CDK14: variants seen among roughly 807,000 people sequenced by gnomAD.
CDK14 encodes the protein cyclin-dependent kinase 14.
Under a neutral mutation model 60.7 loss-of-function variants are expected in CDK14, and 34 were observed. The ratio of observed to expected loss-of-function variants is 0.56; its 90% CI spans 0.43 to 0.75. The LOEUF (loss-of-function observed/expected upper bound fraction) is 0.75, where lower values mean the gene tolerates loss of function less well. Among genes scored for constraint, CDK14 ranks in the 30% least tolerant of loss-of-function variants. CDK14 has a pLI of 0.00. For missense variants in CDK14, 482 were observed against 564.1 expected (o/e 0.85, Z 1.47); for synonymous variants, 197 against 203.7 (o/e 0.97, Z 0.28).
At chr7:91,198,571 C>T (rs1176002629) in intron 14 of CDK14, among the ~76,000 whole-genome samples, 1 of 152,184 alleles carries the variant, frequency 6.6e-6, no homozygotes, top group Non-Finnish European at 1.5e-5. Flanking sequence ...CTCATGGCTG[C>T]TGTTACTTGG....
intron 10 of CDK14, among the ~76,000 whole-genome samples, chr7:90,985,566 A>G (rs1795349852): frequency 6.6e-6 from 1 of 152,226 alleles, no homozygotes; most frequent in South Asian, 2.1e-4. Flanking sequence ...AGTAAGCGCA[A>G]CGTTTAAATA....
At chr7:90,668,304 T>C (rs562991630) in intron 2 of CDK14, among the ~76,000 whole-genome samples, 29 of 152,364 alleles carry the variant, frequency 1.9e-4, no homozygotes, top group South Asian at 6.2e-4. Context: ...ATTAGCTATT[T>C]GCATATCTTC....
chr7:90,816,087 A>T (rs1789343417), intron 5 of CDK14, among the ~76,000 whole-genome samples: 2 of 152,190 alleles, frequency 1.3e-5, no homozygotes. Flanking sequence ...AATTTTTTTA[A>T]AAAAAGGGCC....
intron 2 of CDK14, among the ~76,000 whole-genome samples, chr7:90,694,992 G>A (rs899974103): frequency 4.6e-5 from 7 of 152,180 alleles, no homozygotes; most frequent in African/African-American, 1.4e-4. Flanking sequence ...ATAATCTTAT[G>A]TGATCAGAAT....
At chr7:90,655,533 CTTAAGTA>C (rs945013556) in intron 2 of CDK14, among the ~76,000 whole-genome samples, 2 of 152,154 alleles carry the variant, frequency 1.3e-5, no homozygotes, top group African/African-American at 4.8e-5. Context: ...TAATCACATA[CTTAAGTA>C]TGATCTGAGA....
At chr7:91,105,675 C>T (rs1799271354) in intron 12 of CDK14, among the ~76,000 whole-genome samples, 1 of 152,056 alleles carries the variant, frequency 6.6e-6, no homozygotes, top group Non-Finnish European at 1.5e-5. Context: ...AATTATAAAG[C>T]ATATGAGGAA....
intron 12 of CDK14, among the ~76,000 whole-genome samples, chr7:91,096,678 T>C (rs1435767090): frequency 1.3e-5 from 2 of 152,244 alleles, no homozygotes; most frequent in Non-Finnish European, 2.9e-5. Flanking sequence ...TCTTGTTTTC[T>C]CCTCTTTTAA....
rs1015177926 is a variant in CDK14 at position 91,209,715 on chromosome 7, T to C, written c.*2579T>C. 2 of 152,626 alleles carry C rather than the reference T, an allele frequency of 1.3e-5. No homozygotes were observed. Among genetic ancestry groups the C allele is most frequent in the African/African-American group, 4.8e-5 (2 of 41,454 alleles). The allele number at this position is 152,626 out of a possible 1,614,324, so 9.5% of individuals were successfully genotyped here. ...TTCTGAAAGGAGATTTGACACTTAA[T>C]TCCCATTTTCTTAAAATAACAGTTT... On this transcript the variant is annotated 3_prime_UTR_variant, in exon 15 of 15. Transcript: ENST00000380050.
intron 2 of CDK14, among the ~76,000 whole-genome samples, chr7:90,676,589 G>C (rs893478411): frequency 4.0e-5 from 6 of 150,904 alleles, no homozygotes; most frequent in South Asian, 4.2e-4. Flanking sequence ...CTGGAGTGCA[G>C]TGGCGTGATC....
At chr7:90,945,654 G>T (rs779142457) in intron 8 of CDK14, among the ~76,000 whole-genome samples, 3 of 152,152 alleles carry the variant, frequency 2.0e-5, no homozygotes, top group Non-Finnish European at 2.9e-5. Flanking sequence ...TCAGTTTGCT[G>T]CCCATTGGCC....
intron 3 of CDK14, among the ~76,000 whole-genome samples, chr7:90,744,498 C>T (rs1193064701): frequency 6.6e-6 from 1 of 152,270 alleles, no homozygotes; most frequent in Non-Finnish European, 1.5e-5. Context: ...CCATTGTCAT[C>T]ATGGCCCGTT....
chr7:90,733,387 T>C (rs1291277783), intron 3 of CDK14, among the ~76,000 whole-genome samples: 1 of 152,206 alleles, frequency 6.6e-6, no homozygotes, highest in African/African-American at 2.4e-5. Context: ...GTCCTAGATA[T>C]TTTTGTTAAT....
intron 12 of CDK14, among the ~76,000 whole-genome samples, chr7:91,101,126 TAAAG>T (rs1799136502): frequency 6.6e-6 from 1 of 152,160 alleles, no homozygotes; most frequent in East Asian, 1.9e-4. Context: ...AGTTCAAAAT[TAAAG>T]GAAAAGAGAG....
At chr7:90,684,326 CAT>C (rs1801385979) in intron 2 of CDK14, among the ~76,000 whole-genome samples, 1 of 152,072 alleles carries the variant, frequency 6.6e-6, no homozygotes, top group Non-Finnish European at 1.5e-5. Context: ...TTTTTATAAA[CAT>C]ATAGATAATG....
intron 14 of CDK14, among the ~76,000 whole-genome samples, chr7:91,155,619 A>G (rs1349097463): frequency 6.6e-6 from 1 of 152,224 alleles, no homozygotes; most frequent in Non-Finnish European, 1.5e-5. Flanking sequence ...CAGTTGCCTA[A>G]GCATTTGGTT....
intron 4 of CDK14, among the ~76,000 whole-genome samples, chr7:90,788,063 C>T (rs777255665): frequency 7.4e-4 from 112 of 152,230 alleles, no homozygotes; most frequent in Admixed American, 2.7e-3. Flanking sequence ...CAGAAGCATG[C>T]GGTTCCTATA....
chr7:90,731,925 A>G (rs1802882109), intron 3 of CDK14, among the ~76,000 whole-genome samples: 1 of 152,094 alleles, frequency 6.6e-6, no homozygotes, highest in Non-Finnish European at 1.5e-5. Context: ...GCCGGTTTTC[A>G]AAGGGAATGC....
chr7:90,852,194 G>C (rs1435673174), intron 5 of CDK14, among the ~76,000 whole-genome samples: 1 of 152,116 alleles, frequency 6.6e-6, no homozygotes, highest in Admixed American at 6.5e-5. Flanking sequence ...GCTGTGTCTG[G>C]CAAATCTTTT....
At chr7:90,891,394 C>A (rs1792120465) in intron 6 of CDK14, among the ~76,000 whole-genome samples, 1 of 152,304 alleles carries the variant, frequency 6.6e-6, no homozygotes, top group Admixed American at 6.5e-5. Flanking sequence ...AAGTTTTCAT[C>A]AATTTCAAAA....
Sources: allele counts gnomAD v4.1 joint callset (sites outside exome capture counted in the v4.1 genomes callset), GRCh38; gene constraint gnomAD v4.1.1; transcripts MANE v1.5; gene names NCBI Gene and HGNC (gene_info 2026-07-23, HGNC 2026-07-21).